Variants in EXOC6 observed in about 807,000 individuals in gnomAD.
EXOC6 encodes the protein exocyst complex component 6, also known as SEC15-like 1.
A neutral mutation model predicts 112.5 loss-of-function variants in EXOC6; 60 were observed. The observed-to-expected ratio is 0.53, with a 90% CI of 0.43 to 0.66. The LOEUF is 0.66. Among genes scored for constraint, EXOC6 ranks in the 30% least tolerant of loss-of-function variants. EXOC6 has a pLI of 0.00. For missense variants in EXOC6, 855 were observed against 957.1 expected, an observed-to-expected ratio of 0.89 and a Z score of 1.41; for synonymous variants, 295 against 308.0, an observed-to-expected ratio of 0.96 and a Z score of 0.44.
At chr10:92,899,135 CTTTTGT>C (rs1401589851) in intron 4 of EXOC6, among the ~76,000 whole-genome samples, 1 of 152,006 alleles carries the variant, frequency 6.6e-6, no homozygotes, top group African/African-American at 2.4e-5. Context: ...TTGGTATAAA[CTTTTGT>C]TTATAGTGAG....
intron 1 of EXOC6, among the ~76,000 whole-genome samples, chr10:92,849,875 A>G (rs919618902): frequency 1.3e-5 from 2 of 152,204 alleles, no homozygotes; most frequent in Admixed American, 1.3e-4. Flanking sequence ...AACTCAGAAC[A>G]TTAGGGACCT....
rs1326330 is a variant in EXOC6 at position 92,935,798 on chromosome 10, G to A, written c.1141-16G>A. On this transcript the variant is annotated splice_polypyrimidine_tract_variant and intron_variant, in intron 11 of 21. Coordinates refer to ENST00000260762, the MANE Select transcript of EXOC6 (RefSeq NM_019053.6). ...GTTGTCGGTGTTTTGTTTTGTTTGT[G>A]TGTTTCCACCCTCAGTCCTATTGCA... 396,845 of 1,569,388 alleles carry A rather than the reference G, an allele frequency of 0.25. 52,083 individuals carry two copies. The highest frequency in any genetic ancestry group is 0.35 in the African/African-American group (25,516 of 73,260).
chr10:92,909,780 A>T (rs1318274022), intron 6 of EXOC6, 149 bp downstream of exon 6: 1 of 587,420 alleles, frequency 1.7e-6, no homozygotes, highest in African/African-American at 1.9e-5. Context: ...AAAGGATTCT[A>T]TCAGTGTTTT....
chr10:92,983,982 A>G (rs1274772561), intron 18 of EXOC6, among the ~76,000 whole-genome samples: 2 of 152,012 alleles, frequency 1.3e-5, no homozygotes, highest in East Asian at 3.9e-4. Flanking sequence ...ATCTTTATTC[A>G]GGTTATTAGT....
At chr10:92,882,902 C>T (rs7068232) in intron 1 of EXOC6, among the ~76,000 whole-genome samples, 44,934 of 151,978 alleles carry the variant, frequency 0.3, 7,431 homozygotes, top group East Asian at 0.74. Flanking sequence ...TTACTAGAAA[C>T]AACATGGTCA....
At chr10:92,984,975 G>A (rs1842948713) in intron 18 of EXOC6, among the ~76,000 whole-genome samples, 1 of 151,876 alleles carries the variant, frequency 6.6e-6, no homozygotes. Context: ...CTCCAGCCTG[G>A]GCAACAGAGC....
chr10:93,037,690 T>C (rs1845574486), intron 20 of EXOC6, among the ~76,000 whole-genome samples: 1 of 151,816 alleles, frequency 6.6e-6, no homozygotes, highest in Admixed American at 6.5e-5. Flanking sequence ...TCCGCCTGCC[T>C]TAGCCTCCCA....
intron 13 of EXOC6, among the ~76,000 whole-genome samples, chr10:92,946,721 C>T (rs923491601): frequency 1.3e-5 from 2 of 152,162 alleles, no homozygotes; most frequent in African/African-American, 4.8e-5. Context: ...GTTTTACACC[C>T]CCCCACACAC....
chr10:92,968,153 A>T (rs900941650), intron 17 of EXOC6, among the ~76,000 whole-genome samples: 2 of 149,286 alleles, frequency 1.3e-5, no homozygotes, highest in African/African-American at 2.5e-5. Context: ...GTTAAATATG[A>T]CACCCCTTTC....
intron 1 of EXOC6, among the ~76,000 whole-genome samples, chr10:92,870,983 C>T (rs1848418790): frequency 6.6e-6 from 1 of 152,164 alleles, no homozygotes; most frequent in Non-Finnish European, 1.5e-5. Flanking sequence ...GCTAGGATTA[C>T]AGGTGTGAGC....
In EXOC6 at chr10:92,952,233, C is replaced by T. The variant is rs750289433; in HGVS notation, c.1417-40C>T. The T allele has an allele frequency of 3.3e-5, 44 of 1,328,836 alleles. No individual in the cohort carries two copies. The African/African-American group carries it at 6.3e-4, about 19-fold the overall frequency. The allele number at this position is 1,328,836 out of a possible 1,614,324, so 82.3% of individuals were successfully genotyped here. ...TTTTTAGTGATTAGCATGTCTTTTT[C>T]TAAAATTTCAAAAACAATATTAACT... On this transcript the variant is annotated intron_variant, in intron 14 of 21. Transcript: ENST00000260762.
intron 19 of EXOC6, among the ~76,000 whole-genome samples, chr10:93,007,437 G>A (rs1417280619): frequency 6.6e-6 from 1 of 152,044 alleles, no homozygotes; most frequent in Non-Finnish European, 1.5e-5. Flanking sequence ...GATCACCTGA[G>A]GTCAGGCGTT....
chr10:92,980,829 A>G (rs17093817), intron 18 of EXOC6, among the ~76,000 whole-genome samples: 1,620 of 152,292 alleles, frequency 0.011, 33 homozygotes, highest in African/African-American at 0.037. Context: ...GCCAAGTATA[A>G]AGAAGGAGGC....
At chr10:92,930,141 C>T (rs545067404) in intron 9 of EXOC6, among the ~76,000 whole-genome samples, 117 of 152,178 alleles carry the variant, frequency 7.7e-4, no homozygotes, top group African/African-American at 1.0e-3. Flanking sequence ...AGAATACACA[C>T]GCTTTACATG....
intron 1 of EXOC6, among the ~76,000 whole-genome samples, chr10:92,860,757 T>C (rs1847873779): frequency 6.6e-6 from 1 of 152,232 alleles, no homozygotes; most frequent in Non-Finnish European, 1.5e-5. Context: ...GTCCTCAAGA[T>C]TTATCCACAT....
At chr10:92,986,279 G>A (rs984825861) in intron 18 of EXOC6, among the ~76,000 whole-genome samples, 1 of 152,094 alleles carries the variant, frequency 6.6e-6, no homozygotes, top group African/African-American at 2.4e-5. Context: ...ATTAAAGAAT[G>A]TGGAAAATAT....
At chr10:92,874,387 A>G (rs1848596792) in intron 1 of EXOC6, among the ~76,000 whole-genome samples, 1 of 151,654 alleles carries the variant, frequency 6.6e-6, no homozygotes, top group Non-Finnish European at 1.5e-5. Flanking sequence ...TTTCTGGATT[A>G]TTATGTGGTA....
chr10:92,932,965 A>G (rs754130207), intron 9 of EXOC6, among the ~76,000 whole-genome samples: 3 of 152,184 alleles, frequency 2.0e-5, no homozygotes, highest in Non-Finnish European at 4.4e-5. Flanking sequence ...AGAAGAGTAA[A>G]AACATTGACT....
chr10:92,861,216 A>C lies in EXOC6; in HGVS notation c.101+12582A>C, dbSNP rs554141418. Among the ~76,000 whole-genome samples the C allele has an allele frequency of 2.6e-5, 4 of 152,042 alleles. No homozygotes were observed. In the East Asian group the frequency reaches 7.7e-4, roughly 29 times the overall value. On this transcript the variant is annotated intron_variant, in intron 1 of 21. Coordinates refer to ENST00000260762, the MANE Select transcript of EXOC6 (RefSeq NM_019053.6). ...TTGGAGCTCTTTGTACTTACCTTCT[A>C]CCTCACCCCCTGATTATAATCCTTG...
Sources: allele counts gnomAD v4.1 joint callset (sites outside exome capture counted in the v4.1 genomes callset), GRCh38; gene constraint gnomAD v4.1.1; transcripts MANE v1.5; gene names NCBI Gene and HGNC (gene_info 2026-07-23, HGNC 2026-07-21).